Variants in YEATS4 observed in about 807,000 individuals in gnomAD.
YEATS4 encodes the protein YEATS domain containing 4, also known as YEATS domain-containing protein 4.
In YEATS4, 17 loss-of-function variants were observed where a neutral mutation model predicts 30.1. The ratio of observed to expected loss-of-function variants is 0.56; its 90% CI spans 0.39 to 0.85. The LOEUF is 0.85. Among genes scored for constraint, YEATS4 ranks in the 40% least tolerant of loss-of-function variants. YEATS4 has a pLI of 0.00. For missense variants in YEATS4, 142 were observed against 268.3 expected (o/e 0.53, Z 3.29); for synonymous variants, 85 against 87.5 (o/e 0.97, Z 0.16).
the YEATS4 span, among the ~76,000 whole-genome samples, chr12:69,397,940 T>C: frequency 6.6e-6 from 1 of 152,154 alleles, no homozygotes; most frequent in Admixed American, 6.6e-5. Context: ...AACTAACATA[T>C]AGACTATATT....
chr12:69,382,761 T>G (rs1592858079), intron 6 of YEATS4, among the ~76,000 whole-genome samples: 1 of 152,090 alleles, frequency 6.6e-6, no homozygotes, highest in Non-Finnish European at 1.5e-5. Flanking sequence ...TGGACCAGAG[T>G]GATAGCAATG....
At chr12:69,383,263 C>CAA (rs200862360) in intron 6 of YEATS4, among the ~76,000 whole-genome samples, 3 of 142,764 alleles carry the variant, frequency 2.1e-5, no homozygotes, top group African/African-American at 7.7e-5. Context: ...GATTCTGTCT[C>CAA]AAAAAAAAAA....
At chr12:69,364,545 TAAAG>T (rs770628062) in intron 2 of YEATS4, among the ~76,000 whole-genome samples, 15 of 152,180 alleles carry the variant, frequency 9.9e-5, no homozygotes, top group Non-Finnish European at 1.9e-4. Flanking sequence ...ACTTTTAAAA[TAAAG>T]AAAATGAGGA....
intron 6 of YEATS4, among the ~76,000 whole-genome samples, chr12:69,389,500 T>G (rs1868290895): frequency 6.7e-6 from 1 of 150,170 alleles, no homozygotes; most frequent in African/African-American, 2.5e-5. Flanking sequence ...AGAATACTTG[T>G]AGTTAACGCT....
the YEATS4 span, among the ~76,000 whole-genome samples, chr12:69,409,056 C>G: frequency 1.3e-5 from 2 of 152,158 alleles, no homozygotes; most frequent in Non-Finnish European, 2.9e-5. Context: ...CTGACTTACA[C>G]TGCCTGGCAT....
the YEATS4 span, among the ~76,000 whole-genome samples, chr12:69,400,694 GT>G: frequency 1.0e-4 from 14 of 135,152 alleles, no homozygotes; most frequent in Admixed American, 2.9e-4. Flanking sequence ...AATTTAAAAA[GT>G]TTAAAAAAAA....
chr12:69,406,228 T>A, the YEATS4 span, among the ~76,000 whole-genome samples: 1 of 152,246 alleles, frequency 6.6e-6, no homozygotes, highest in African/African-American at 2.4e-5. Context: ...TACCTAATAA[T>A]GCTTTCAACA....
chr12:69,419,174 C>T, the YEATS4 span, among the ~76,000 whole-genome samples: 1 of 149,364 alleles, frequency 6.7e-6, no homozygotes, highest in African/African-American at 2.5e-5. Context: ...TAAATTCTCC[C>T]TATGCTTTGT....
At chr12:69,371,242 A>G (rs1490017365) in intron 6 of YEATS4, among the ~76,000 whole-genome samples, 3 of 152,216 alleles carry the variant, frequency 2.0e-5, no homozygotes, top group East Asian at 3.8e-4. Flanking sequence ...ACATTTAAGT[A>G]TAGTTTTTTA....
chr12:69,373,412 A>C (rs2120972185), intron 6 of YEATS4, among the ~76,000 whole-genome samples: 1 of 152,296 alleles, frequency 6.6e-6, no homozygotes, highest in Non-Finnish European at 1.5e-5. Context: ...ACCTTTTCGT[A>C]TACCTGTTTG....
At chr12:69,362,958 T>G in intron 2 of YEATS4, 51 bp downstream of exon 2, 9 of 1,467,484 alleles carry the variant, frequency 6.1e-6, no homozygotes, top group Non-Finnish European at 8.1e-6. Flanking sequence ...GTCTGTAATT[T>G]GTTTTGCTTA....
chr12:69,402,060 T>G, the YEATS4 span, among the ~76,000 whole-genome samples: 1 of 152,214 alleles, frequency 6.6e-6, no homozygotes, highest in Admixed American at 6.5e-5. Flanking sequence ...TCTTGGTAAG[T>G]GTGTGTAAAG....
At chr12:69,372,017 A>G (rs947315174) in intron 6 of YEATS4, among the ~76,000 whole-genome samples, 5 of 152,188 alleles carry the variant, frequency 3.3e-5, no homozygotes, top group Non-Finnish European at 7.4e-5. Flanking sequence ...GTCCAGTGTG[A>G]CTAGAGTAGA....
intron 6 of YEATS4, among the ~76,000 whole-genome samples, chr12:69,376,890 G>C (rs893225055): frequency 2.3e-4 from 35 of 152,218 alleles, no homozygotes; most frequent in African/African-American, 7.9e-4. Context: ...CTTGTTACTG[G>C]TCTGTTCAGG....
downstream of YEATS4, among the ~76,000 whole-genome samples, chr12:69,392,840 T>A (rs11177645): frequency 0.13 from 19,250 of 152,246 alleles, 1,555 homozygotes; most frequent in Non-Finnish European, 0.18. Context: ...TTAGCATTTT[T>A]AATTGTCTGT....
chr12:69,390,312 T>C lies in YEATS4; in HGVS notation c.680T>C (p.Ile227Thr). 1.3e-6 allele frequency: 2 copies of C among 1,575,818 alleles called. No individual in the cohort carries two copies. Among genetic ancestry groups the C allele is most frequent in the East Asian group, 2.3e-5 (1 of 44,108 alleles). ...KLEEDDQAKD[I>T] ...GAAGAAGATGACCAAGCAAAAGACA[T>C]ATAAACAGTTCTCATGAGAACTTGG... is the stretch of plus-strand genomic sequence containing the variant. The change falls in exon 7 of 7, where the codon ATA (isoleucine) becomes ACA (threonine). Residue 227 changes from isoleucine to threonine, a missense_variant. Physicochemically the swap from Ile to Thr is moderately conservative, Grantham distance 89. Around this residue, in one of 3 missense-constraint regions of YEATS4, gnomAD observed 53 missense variants for 68.6 expected, o/e 0.77. Coordinates refer to ENST00000247843, the MANE Select transcript of YEATS4 (RefSeq NM_006530.4).
downstream of YEATS4, among the ~76,000 whole-genome samples, chr12:69,392,761 G>A (rs746163430): frequency 7.9e-5 from 12 of 152,172 alleles, no homozygotes. Flanking sequence ...TCAACCAGCA[G>A]TTACTCAGAT....
At chr12:69,367,621 C>T (rs557441429) in intron 4 of YEATS4, among the ~76,000 whole-genome samples, 14 of 152,218 alleles carry the variant, frequency 9.2e-5, no homozygotes, top group Admixed American at 8.5e-4. Context: ...TCGCCTTGCC[C>T]TCCCAAGGTG....
At chr12:69,418,527 T>C in the YEATS4 span, among the ~76,000 whole-genome samples, 1 of 152,206 alleles carries the variant, frequency 6.6e-6, no homozygotes, top group Non-Finnish European at 1.5e-5. Flanking sequence ...CTTTGTTAAA[T>C]GTCTGTGATA....
Sources: allele counts gnomAD v4.1 joint callset (sites outside exome capture counted in the v4.1 genomes callset), GRCh38; gene constraint gnomAD v4.1.1; regional missense constraint gnomAD v4.1.1; transcripts MANE v1.5; gene names NCBI Gene and HGNC (gene_info 2026-07-23, HGNC 2026-07-21).